The following GRIN2A variants were observed in gnomAD, a reference collection of about 807,000 sequenced individuals.
The protein encoded by GRIN2A is glutamate receptor ionotropic, NMDA 2A.
In GRIN2A, 22 loss-of-function variants were observed where a neutral mutation model predicts 113.4. That is an observed-to-expected ratio of 0.19 (90% CI 0.14 to 0.28). The LOEUF (loss-of-function observed/expected upper bound fraction) is 0.28. Ranked by LOEUF, GRIN2A falls within the 10% of genes least tolerant of loss-of-function variation. GRIN2A has a pLI of 1.00. For missense variants in GRIN2A, 1,502 were observed against 1,887.0 expected, an observed-to-expected ratio of 0.80 and a Z score of 3.78; for synonymous variants, 827 against 738.4, an observed-to-expected ratio of 1.12 and a Z score of -1.94.
chr16:9,795,499 T>C (rs1902924771), intron 11 of GRIN2A, among the ~76,000 whole-genome samples: 1 of 152,246 alleles, frequency 6.6e-6, no homozygotes, highest in African/African-American at 2.4e-5. Context: ...TTAACTTTCT[T>C]AATAAACTTG....
rs1411488401 is a variant in GRIN2A, at chr16:9,975,899, G to C, written c.415-37348C>G. On this transcript the variant is annotated intron_variant, in intron 2 of 12. Coordinates refer to ENST00000330684, the MANE Select transcript of GRIN2A (RefSeq NM_001134407.3). ...TAGCATCAGATAAAACAGACTTCAAGACAGTATTCCCGGAGGGGCATTTCA... is the reference window on the plus strand; with the variant it reads ...TAGCATCAGATAAAACAGACTTCAACACAGTATTCCCGGAGGGGCATTTCA... Among the ~76,000 whole-genome samples, 11 of 152,290 alleles carry C rather than the reference G, an allele frequency of 7.2e-5. No homozygotes were observed. In the South Asian group the frequency reaches 1.9e-3, roughly 26 times the overall value.
At chr16:10,165,528 G>A (rs979987649) in intron 2 of GRIN2A, among the ~76,000 whole-genome samples, 64 of 133,034 alleles carry the variant, frequency 4.8e-4, no homozygotes, top group African/African-American at 1.5e-3. Flanking sequence ...ATATATATAT[G>A]TATATATATA....
chr16:9,943,453 C>T (rs2044939241), intron 2 of GRIN2A, among the ~76,000 whole-genome samples: 1 of 152,178 alleles, frequency 6.6e-6, no homozygotes, highest in Admixed American at 6.6e-5. Context: ...CCAGAATGTT[C>T]CAGAGCTTGC....
intron 5 of GRIN2A, among the ~76,000 whole-genome samples, chr16:9,846,227 G>A (rs1370422778): frequency 6.6e-6 from 1 of 152,104 alleles, no homozygotes; most frequent in East Asian, 1.9e-4. Flanking sequence ...CCAGGAGAGT[G>A]GAGGCTGGGG....
At chr16:10,091,435 AATACGT>A (rs948474590) in intron 2 of GRIN2A, among the ~76,000 whole-genome samples, 8 of 149,102 alleles carry the variant, frequency 5.4e-5, no homozygotes, top group Non-Finnish European at 1.2e-4. Flanking sequence ...ATCTCTACCA[AATACGT>A]ATGTATGTGT....
chr16:9,895,549 C>A lies in GRIN2A; in HGVS notation c.1008-4449G>T, dbSNP rs1162221590. Among the ~76,000 whole-genome samples, 3 of 152,064 alleles carry A rather than the reference C, an allele frequency of 2.0e-5. No individual in the cohort carries two copies. In the East Asian group the frequency reaches 5.8e-4, roughly 29 times the overall value. Reference sequence around the variant, plus strand: ...TGCAAGTTTGTAAGAGGCAGATGGGCAAACAGATGAGGCTTTGTAGTAACG... The same window carrying A: ...TGCAAGTTTGTAAGAGGCAGATGGGAAAACAGATGAGGCTTTGTAGTAACG... On this transcript the variant is annotated intron_variant, in intron 3 of 12. Transcript: ENST00000330684.
At chr16:9,809,286 G>A (rs966376386) in intron 10 of GRIN2A, among the ~76,000 whole-genome samples, 1 of 152,028 alleles carries the variant, frequency 6.6e-6, no homozygotes, top group Non-Finnish European at 1.5e-5. Context: ...TGGGCGTCAT[G>A]GCGCACCCCT....
chr16:9,771,475 G>A (rs1463494108), intron 11 of GRIN2A, among the ~76,000 whole-genome samples: 2 of 151,406 alleles, frequency 1.3e-5, no homozygotes, highest in African/African-American at 4.9e-5. Context: ...TTGTTATATA[G>A]TTTGTTATAT....
At chr16:9,996,932 A>G (rs926023283) in intron 2 of GRIN2A, among the ~76,000 whole-genome samples, 4 of 152,140 alleles carry the variant, frequency 2.6e-5, no homozygotes, top group South Asian at 4.2e-4. Context: ...TCTCTCACAT[A>G]TTAAGTAGCT....
chr16:9,897,220 TA>T (rs148353413), intron 3 of GRIN2A, among the ~76,000 whole-genome samples: 55 of 81,384 alleles, frequency 6.8e-4, no homozygotes, highest in African/African-American at 2.8e-3. Flanking sequence ...TTTATATATA[TA>T]AAAAAATACA....
intron 4 of GRIN2A, among the ~76,000 whole-genome samples, chr16:9,864,192 C>T (rs2043121896): frequency 6.6e-6 from 1 of 152,120 alleles, no homozygotes; most frequent in Admixed American, 6.5e-5. Context: ...ATGCCATTTG[C>T]AGTCTGGCAG....
At chr16:10,049,626 G>T (rs1018444865) in intron 2 of GRIN2A, among the ~76,000 whole-genome samples, 1 of 152,122 alleles carries the variant, frequency 6.6e-6, no homozygotes, top group East Asian at 1.9e-4. Context: ...TGATCCACCC[G>T]CCTTGGCCTC....
chr16:9,964,828 C>A (rs1007874274), intron 2 of GRIN2A, among the ~76,000 whole-genome samples: 1 of 152,176 alleles, frequency 6.6e-6, no homozygotes, highest in African/African-American at 2.4e-5. Context: ...CTCACAACTG[C>A]AAAGTCCCCT....
At chr16:10,067,012 G>C (rs1448262) in intron 2 of GRIN2A, among the ~76,000 whole-genome samples, 132 of 152,236 alleles carry the variant, frequency 8.7e-4, no homozygotes, top group African/African-American at 2.9e-3. Flanking sequence ...GATATTTTAA[G>C]TGGATGAATA....
chr16:9,811,676 T>C (rs2042089843), intron 10 of GRIN2A, among the ~76,000 whole-genome samples: 1 of 152,208 alleles, frequency 6.6e-6, no homozygotes, highest in African/African-American at 2.4e-5. Flanking sequence ...CGAGAATCAC[T>C]TGAACCCTGC....
intron 2 of GRIN2A, among the ~76,000 whole-genome samples, chr16:10,129,674 T>A (rs945777274): frequency 3.3e-5 from 5 of 152,192 alleles, no homozygotes; most frequent in Non-Finnish European, 5.9e-5. Context: ...TGGTCTGAGA[T>A]ATAAGCAGGA....
chr16:10,107,613 CTG>C (rs1355640881), intron 2 of GRIN2A, among the ~76,000 whole-genome samples: 1 of 152,178 alleles, frequency 6.6e-6, no homozygotes, highest in Non-Finnish European at 1.5e-5. Flanking sequence ...GTGAAGAAAA[CTG>C]ATATTCTGCT....
chr16:9,998,441 G>C (rs1010842310), intron 2 of GRIN2A, among the ~76,000 whole-genome samples: 1 of 152,152 alleles, frequency 6.6e-6, no homozygotes, highest in Non-Finnish European at 1.5e-5. Context: ...TTCATTTGGA[G>C]TCATGAAAAT....
chr16:10,034,503 C>T (rs150120940), intron 2 of GRIN2A, among the ~76,000 whole-genome samples: 1,912 of 116,374 alleles, frequency 0.016, 23 homozygotes, highest in Middle Eastern at 0.043. Context: ...CCAGGCTGGA[C>T]GATAAGAGTG....
Sources: allele counts gnomAD v4.1 joint callset (sites outside exome capture counted in the v4.1 genomes callset), GRCh38; gene constraint gnomAD v4.1.1; transcripts MANE v1.5; gene names NCBI Gene and HGNC (gene_info 2026-07-23, HGNC 2026-07-21).